Variants in RAMP1 observed in about 807,000 individuals in gnomAD.
RAMP1 encodes the protein receptor activity-modifying protein 1.
Under a neutral mutation model 8.2 loss-of-function variants are expected in RAMP1, and 7 were observed. That is an observed-to-expected ratio of 0.85 (90% CI 0.49 to 1.60). The LOEUF (loss-of-function observed/expected upper bound fraction) is 1.60. Among genes scored for constraint, RAMP1 ranks in the 40% most tolerant of loss-of-function variants. RAMP1 has a pLI of 0.00. For synonymous variants in RAMP1, 92 were observed against 84.7 expected (o/e 1.09, Z -0.47); for missense variants, 192 against 202.4 (o/e 0.95, Z 0.31).
At chr2:237,891,981 A>T (rs1323416878) in intron 2 of RAMP1, among the ~76,000 whole-genome samples, 2 of 152,096 alleles carry the variant, frequency 1.3e-5, no homozygotes. Context: ...TTTGCTCTAA[A>T]TTATTTTTTG....
At chr2:237,887,374 G>A (rs1045073014) in intron 2 of RAMP1, among the ~76,000 whole-genome samples, 2 of 152,236 alleles carry the variant, frequency 1.3e-5, no homozygotes, top group Admixed American at 6.5e-5. Flanking sequence ...AGCCTTCCCT[G>A]TGCATAGTTC....
At chr2:237,891,552 G>A (rs2062488820) in intron 2 of RAMP1, among the ~76,000 whole-genome samples, 1 of 152,040 alleles carries the variant, frequency 6.6e-6, no homozygotes, top group Non-Finnish European at 1.5e-5. Flanking sequence ...TTCTATTTCT[G>A]TTTGTTCTTA....
At chr2:237,866,733 T>C (rs925392891) in intron 1 of RAMP1, among the ~76,000 whole-genome samples, 2 of 152,040 alleles carry the variant, frequency 1.3e-5, no homozygotes, top group African/African-American at 4.8e-5. Flanking sequence ...ATTCTTTTTT[T>C]TTTTTCTTTT....
At chr2:237,898,622 A>G (rs2062566797) in intron 2 of RAMP1, among the ~76,000 whole-genome samples, 1 of 152,210 alleles carries the variant, frequency 6.6e-6, no homozygotes, top group Non-Finnish European at 1.5e-5. Context: ...CCCCAGTGTC[A>G]AGAAAAACAA....
intron 2 of RAMP1, among the ~76,000 whole-genome samples, chr2:237,880,597 G>GT (rs1170178517): frequency 6.6e-6 from 1 of 152,182 alleles, no homozygotes; most frequent in African/African-American, 2.4e-5. Flanking sequence ...TTAAGCCATG[G>GT]TATCGAGAAA....
chr2:237,909,365 T>TG (rs11428500), intron 2 of RAMP1, among the ~76,000 whole-genome samples: 28,324 of 151,996 alleles, frequency 0.19, 3,274 homozygotes, highest in East Asian at 0.46. Context: ...GCCGAGCCTG[T>TG]GCCTGTCATG....
intron 1 of RAMP1, among the ~76,000 whole-genome samples, chr2:237,863,571 C>A (rs961782173): frequency 2.0e-5 from 3 of 152,340 alleles, no homozygotes; most frequent in African/African-American, 7.2e-5. Flanking sequence ...TTATTCTGTT[C>A]AGGAAAAATA....
At chr2:237,899,812 C>A (rs1206488758) in intron 2 of RAMP1, among the ~76,000 whole-genome samples, 1 of 152,168 alleles carries the variant, frequency 6.6e-6, no homozygotes, top group Admixed American at 6.6e-5. Flanking sequence ...CTCACGCCTC[C>A]CACACCTGTA....
chr2:237,882,451 G>A (rs371271700), intron 2 of RAMP1, among the ~76,000 whole-genome samples: 10 of 152,204 alleles, frequency 6.6e-5, no homozygotes, highest in Admixed American at 2.0e-4. Flanking sequence ...GGCGGAGGTG[G>A]GGCTGTTGTG....
rs189545315 is a variant in RAMP1, at chr2:237,865,009, G to T, written c.52+5282G>T. Among the ~76,000 whole-genome samples the T allele has an allele frequency of 1.6e-3, 247 of 152,240 alleles. 2 individuals are homozygous for T. The highest frequency in any genetic ancestry group is 5.9e-3 in the African/African-American group (243 of 41,532). On this transcript the variant is annotated intron_variant, in intron 1 of 2. Transcript: ENST00000254661. This position sits in a 1 kb window ranked among gnomAD's most constrained non-coding sequence, Gnocchi z 4.2. Reference sequence around the variant, plus strand: ...ATTCAGATCTCATTCCTAGGGCAGTGGGAAAACCTTGAAGGACATTAAAGG... The same window carrying T: ...ATTCAGATCTCATTCCTAGGGCAGTTGGAAAACCTTGAAGGACATTAAAGG...
At chr2:237,902,693 C>A (rs1247895020) in intron 2 of RAMP1, among the ~76,000 whole-genome samples, 4 of 152,216 alleles carry the variant, frequency 2.6e-5, no homozygotes, top group Non-Finnish European at 5.9e-5. Context: ...ACCAGAGGGT[C>A]CCAGCCCTGC....
chr2:237,888,500 G>A (rs563578847), intron 2 of RAMP1, among the ~76,000 whole-genome samples: 7 of 152,310 alleles, frequency 4.6e-5, no homozygotes, highest in South Asian at 2.1e-4. Context: ...CAGGTCAAAG[G>A]AGATTTCCTC....
At chr2:237,893,536 A>G (rs1207838609) in intron 2 of RAMP1, among the ~76,000 whole-genome samples, 1 of 152,126 alleles carries the variant, frequency 6.6e-6, no homozygotes, top group East Asian at 1.9e-4. Flanking sequence ...CTTCTTTGTC[A>G]TATCTTGCAC....
intron 1 of RAMP1, among the ~76,000 whole-genome samples, chr2:237,868,477 G>A (rs190497805): frequency 7.7e-4 from 117 of 151,144 alleles, no homozygotes; most frequent in African/African-American, 2.7e-3. Context: ...GTCCTTTTTA[G>A]TGCAATTTTG....
chr2:237,885,430 C>T (rs888375387), intron 2 of RAMP1, among the ~76,000 whole-genome samples: 4 of 152,270 alleles, frequency 2.6e-5, no homozygotes, highest in East Asian at 1.9e-4. Flanking sequence ...GGGGCTGCCT[C>T]GGTGCCCTCG....
chr2:237,903,863 T>G (rs568130700), intron 2 of RAMP1, among the ~76,000 whole-genome samples: 58 of 151,988 alleles, frequency 3.8e-4, no homozygotes, highest in African/African-American at 1.1e-3. Context: ...CCCGGCTAAT[T>G]TTTTGTATTT....
chr2:237,905,883 T>C (rs1437740033), intron 2 of RAMP1, among the ~76,000 whole-genome samples: 2 of 151,886 alleles, frequency 1.3e-5, no homozygotes, highest in Non-Finnish European at 2.9e-5. Flanking sequence ...TGGTGGACCA[T>C]GTCTGTAGTC....
intron 2 of RAMP1, among the ~76,000 whole-genome samples, chr2:237,888,920 C>T (rs1296333958): frequency 2.0e-5 from 3 of 151,788 alleles, no homozygotes; most frequent in African/African-American, 4.8e-5. Context: ...TACAGGCACC[C>T]GCCACCACGC....
At chr2:237,894,168 G>A (rs908339997) in intron 2 of RAMP1, among the ~76,000 whole-genome samples, 3 of 151,586 alleles carry the variant, frequency 2.0e-5, no homozygotes, top group South Asian at 2.1e-4. Flanking sequence ...ACAGGATTTC[G>A]CCATGTTGCC....
Sources: gnomAD v4.1 joint callset for allele counts (sites outside exome capture counted in the v4.1 genomes callset) on GRCh38, gnomAD v4.1.1 for gene constraint, Gnocchi (gnomAD v3.1) non-coding constraint, MANE v1.5 for transcripts, NCBI Gene and HGNC (gene_info 2026-07-23, HGNC 2026-07-21) for gene names.